TTC7B: variants seen among roughly 807,000 people sequenced by gnomAD.
TTC7B encodes tetratricopeptide repeat domain 7B, also known as tetratricopeptide repeat protein 7B.
TTC7B carries 28 observed loss-of-function variants against 106.8 expected under a neutral mutation model. The observed-to-expected ratio is 0.26, with a 90% CI of 0.19 to 0.36. The LOEUF is 0.36. Among genes scored for constraint, TTC7B ranks in the 10% least tolerant of loss-of-function variants. TTC7B has a pLI of 1.00. For synonymous variants in TTC7B, 405 were observed against 430.6 expected (o/e 0.94, Z 0.74); for missense variants, 862 against 1,076.4 (o/e 0.80, Z 2.79).
intron 5 of TTC7B, among the ~76,000 whole-genome samples, chr14:90,706,161 A>ATTT (rs59137630): frequency 4.7e-5 from 6 of 128,462 alleles, no homozygotes; most frequent in Admixed American, 1.6e-4. Flanking sequence ...AGCTGGAATA[A>ATTT]TTTTTTTTTT....
intron 1 of TTC7B, among the ~76,000 whole-genome samples, chr14:90,800,681 GAC>G: frequency 6.6e-6 from 1 of 152,090 alleles, no homozygotes; most frequent in Non-Finnish European, 1.5e-5. Flanking sequence ...CACAGTGGCG[GAC>G]GCCTGTAGTC....
rs148731047 is a variant in TTC7B at position 90,686,634 on chromosome 14, A to G, written c.950+2906T>C. Among the ~76,000 whole-genome samples, 394 of 152,378 alleles carry G rather than the reference A, an allele frequency of 2.6e-3. 4 individuals carry two copies. The highest frequency in any genetic ancestry group is 8.9e-3 in the African/African-American group (370 of 41,604). ...CAATAAACAAATTCAGCAAGGTTAC[A>G]GTACACAAGATCAATTTACAAAATC... On this transcript the variant is annotated intron_variant, in intron 7 of 19. Transcript: ENST00000328459.
At position 90,808,681 on chromosome 14, in the gene TTC7B, CT is replaced by C. The variant is rs1242067236; in HGVS notation, c.121+7493del. On this transcript the variant is annotated intron_variant, in intron 1 of 19. Transcript: ENST00000328459. This position sits in a 1 kb window ranked among gnomAD's most constrained non-coding sequence, Gnocchi z 4.2. ...CATCCGCTCATCCTTGTCTTGGTGG[CT>C]GATGGGAATGCTTTTGAGGTCTCAG... is the stretch of plus-strand genomic sequence containing the variant. Among the ~76,000 whole-genome samples, 1 of 152,220 alleles carries C rather than the reference CT, an allele frequency of 6.6e-6. No homozygotes were observed. Among genetic ancestry groups the C allele is most frequent in the African/African-American group, 2.4e-5 (1 of 41,464 alleles).
intron 17 of TTC7B, among the ~76,000 whole-genome samples, chr14:90,605,191 G>A (rs577135582): frequency 2.6e-5 from 4 of 152,274 alleles, no homozygotes; most frequent in South Asian, 2.1e-4. Context: ...TGTAGAATAC[G>A]GCCTTGATGA....
At chr14:90,740,594 C>T (rs1430482881) in intron 4 of TTC7B, among the ~76,000 whole-genome samples, 3 of 149,640 alleles carry the variant, frequency 2.0e-5, no homozygotes, top group African/African-American at 7.4e-5. Context: ...GTCCACCTCC[C>T]AGGTTCATGC....
Position 90,797,310 on chromosome 14 carries a change from A to T in TTC7B, c.122-10982T>A, listed in dbSNP as rs573902147. Reference sequence around the variant, plus strand: ...TCTACTAAAAAAAAATACAAAAATTATCTGGGTATGGTGGCACACACCTGT... The same window carrying T: ...TCTACTAAAAAAAAATACAAAAATTTTCTGGGTATGGTGGCACACACCTGT... On this transcript the variant is annotated intron_variant, in intron 1 of 19. Transcript: ENST00000328459. Among the ~76,000 whole-genome samples, 26 of 138,686 alleles carry T rather than the reference A, an allele frequency of 1.9e-4. 5 individuals are homozygous for T. In the South Asian group the frequency reaches 4.0e-3, roughly 21 times the overall value. 91.0% of individuals were successfully genotyped at this position (138,686 alleles called of 152,430 possible).
In TTC7B at chr14:90,816,374, G is replaced by T. The variant is rs2031192623; in HGVS notation, c.-79C>A. 7 of 806,786 alleles carry T rather than the reference G, an allele frequency of 8.7e-6. No homozygotes were observed. Among genetic ancestry groups the T allele is most frequent in the African/African-American group, 1.9e-5 (1 of 52,726 alleles). 50.0% of individuals were successfully genotyped at this position (806,786 alleles called of 1,614,324 possible). On this transcript the variant is annotated 5_prime_UTR_variant, in exon 1 of 20. Transcript: ENST00000328459. ...CGGCGCCCCCTCGCCGCCTCCCGCC[G>T]CCGCCGCGGGCTCGGGCTCCGGCTC...
chr14:90,777,762 G>A (rs1445085750), intron 3 of TTC7B, among the ~76,000 whole-genome samples: 2 of 152,164 alleles, frequency 1.3e-5, no homozygotes, highest in African/African-American at 4.8e-5. Flanking sequence ...GAACTCCTCA[G>A]AGAGCAGGCC....
chr14:90,533,701 T>A lies in TTC7B; in HGVS notation c.*7667A>T, dbSNP rs1271862562. On this transcript the variant is annotated 3_prime_UTR_variant, in exon 20 of 20. Coordinates refer to ENST00000328459, the MANE Select transcript of TTC7B (RefSeq NM_001010854.2). ...GCCCAGTGGTCACCAGGAAACCCTA[T>A]TGTCCTCAGGGGGTCAAGGGCCAAA... 1 of 152,250 alleles carries A rather than the reference T, an allele frequency of 6.6e-6. No individual in the cohort carries two copies. Among genetic ancestry groups the A allele is most frequent in the Non-Finnish European group, 1.5e-5 (1 of 68,046 alleles). The allele number at this position is 152,250 out of a possible 1,614,324, so 9.4% of individuals were successfully genotyped here. A position where few individuals can be genotyped will look rare whatever the true frequency, so the allele number is the denominator to read the frequency against.
At chr14:90,617,570 G>A (rs1893136973) in intron 16 of TTC7B, among the ~76,000 whole-genome samples, 1 of 152,084 alleles carries the variant, frequency 6.6e-6, no homozygotes, top group Non-Finnish European at 1.5e-5. Context: ...AACCCCATCT[G>A]GACCACATAA....
At chr14:90,810,010 C>T (rs1566900102) in intron 1 of TTC7B, among the ~76,000 whole-genome samples, 1 of 152,186 alleles carries the variant, frequency 6.6e-6, no homozygotes, top group Non-Finnish European at 1.5e-5. Context: ...AAGTTTGGCA[C>T]TATTATTACA....
Position 90,730,191 on chromosome 14 carries a change from T to C in TTC7B, c.582A>G (p.Ile194Met), listed in dbSNP as rs747105894. 1 of 1,600,950 alleles carries C rather than the reference T, an allele frequency of 6.2e-7. No individual in the cohort carries two copies. The highest frequency in any genetic ancestry group is 8.5e-7 in the Non-Finnish European group (1 of 1,176,674). The change falls in exon 5 of 20, where the codon ATA (isoleucine) becomes ATG (methionine). Residue 194 changes from isoleucine (I) to methionine (M), a missense_variant. Transcript: ENST00000328459. ...GGCTTCTGTTTTGAATATTAGAAAGTATTACCTAGAAGGGGAGAAAATTGG... is the reference window on the plus strand; with the variant it reads ...GGCTTCTGTTTTGAATATTAGAAAGCATTACCTAGAAGGGGAGAAAATTGG... Reference protein sequence around the residue: ...LLYLQEIERVILSNIQNRSPK... With the variant: ...LLYLQEIERVMLSNIQNRSPK...
intron 18 of TTC7B, among the ~76,000 whole-genome samples, chr14:90,579,783 C>T (rs1891411008): frequency 6.6e-6 from 1 of 152,094 alleles, no homozygotes; most frequent in Non-Finnish European, 1.5e-5. Context: ...AGTGAGACTC[C>T]GTCTGAAAAA....
chr14:90,590,956 C>A (rs1891930227), intron 18 of TTC7B, among the ~76,000 whole-genome samples: 1 of 152,210 alleles, frequency 6.6e-6, no homozygotes, highest in African/African-American at 2.4e-5. Flanking sequence ...AGTAAAGCCA[C>A]ACCCATTTGC....
chr14:90,604,143 G>T (rs1892543675), intron 17 of TTC7B, among the ~76,000 whole-genome samples: 1 of 152,146 alleles, frequency 6.6e-6, no homozygotes, highest in Non-Finnish European at 1.5e-5. Flanking sequence ...ACGGGCAGGT[G>T]GGTCTGTTGT....
At chr14:90,542,759 T>G (rs1869831027) in intron 19 of TTC7B, among the ~76,000 whole-genome samples, 2 of 150,366 alleles carry the variant, frequency 1.3e-5, no homozygotes, top group Admixed American at 6.6e-5. Context: ...GGGAGGGGAG[T>G]CCAGTGTCCC....
At chr14:90,800,564 C>G (rs891449860) in intron 1 of TTC7B, among the ~76,000 whole-genome samples, 3 of 151,878 alleles carry the variant, frequency 2.0e-5, no homozygotes, top group African/African-American at 7.3e-5. Context: ...GTAATCCCAG[C>G]ACTTTGGGAG....
At chr14:90,604,055 G>A (rs1304628447) in intron 17 of TTC7B, among the ~76,000 whole-genome samples, 7 of 152,204 alleles carry the variant, frequency 4.6e-5, no homozygotes, top group Non-Finnish European at 7.3e-5. Context: ...GACATAAAGT[G>A]CCTCCCCTGA....
intron 1 of TTC7B, among the ~76,000 whole-genome samples, chr14:90,814,166 C>T (rs780906959): frequency 3.9e-5 from 6 of 152,192 alleles, no homozygotes; most frequent in Admixed American, 6.5e-5. Flanking sequence ...AAACCCCGAT[C>T]CCCAAGCCCC....
Sources: gnomAD v4.1 joint callset for allele counts (sites outside exome capture counted in the v4.1 genomes callset) on GRCh38, gnomAD v4.1.1 for gene constraint, Gnocchi (gnomAD v3.1) non-coding constraint, MANE v1.5 for transcripts, NCBI Gene and HGNC (gene_info 2026-07-23, HGNC 2026-07-21) for gene names.